Variants in CDK14 observed in about 807,000 individuals in gnomAD.
The protein encoded by CDK14 is cyclin-dependent kinase 14.
Under a neutral mutation model 60.7 loss-of-function variants are expected in CDK14, and 34 were observed. The ratio of observed to expected loss-of-function variants is 0.56; its 90% CI spans 0.43 to 0.75. The LOEUF (loss-of-function observed/expected upper bound fraction) is 0.75. CDK14 is among the 30% of genes least tolerant of loss of function. The pLI is 0.00. For synonymous variants in CDK14, 197 were observed against 203.7 expected, an observed-to-expected ratio of 0.97 and a Z score of 0.28; for missense variants, 482 against 564.1, an observed-to-expected ratio of 0.85 and a Z score of 1.47.
chr7:90,838,522 A>G (rs1352776515), intron 5 of CDK14, among the ~76,000 whole-genome samples: 1 of 152,172 alleles, frequency 6.6e-6, no homozygotes, highest in African/African-American at 2.4e-5. Flanking sequence ...CAGGGAGCCT[A>G]TAAATAGATG....
chr7:90,729,102 C>T (rs1193840734), intron 3 of CDK14, among the ~76,000 whole-genome samples: 1 of 151,752 alleles, frequency 6.6e-6, no homozygotes, highest in African/African-American at 2.4e-5. Context: ...ATCCAAGCCC[C>T]AGTTGAATTC....
At chr7:90,762,389 T>C (rs1449624308) in intron 4 of CDK14, among the ~76,000 whole-genome samples, 1 of 152,164 alleles carries the variant, frequency 6.6e-6, no homozygotes, top group African/African-American at 2.4e-5. Context: ...GTGTGAATTT[T>C]TGCTCTCTCT....
intron 14 of CDK14, among the ~76,000 whole-genome samples, chr7:91,184,544 ATCTTC>A (rs1802111345): frequency 6.6e-6 from 1 of 152,204 alleles, no homozygotes; most frequent in African/African-American, 2.4e-5. Context: ...AAGCTAGTAT[ATCTTC>A]TTAATCAAAG....
intron 2 of CDK14, among the ~76,000 whole-genome samples, chr7:90,663,692 C>A (rs957355240): frequency 6.6e-6 from 1 of 152,150 alleles, no homozygotes; most frequent in African/African-American, 2.4e-5. Flanking sequence ...ACAGATTTTT[C>A]TTCCTTTTAA....
At chr7:90,641,107 A>G (rs1800316961) in intron 2 of CDK14, among the ~76,000 whole-genome samples, 2 of 151,316 alleles carry the variant, frequency 1.3e-5, no homozygotes, top group Admixed American at 1.3e-4. Flanking sequence ...GGCCTGAAGA[A>G]AAAAACAAAA....
chr7:91,006,317 T>C (rs1795977671), intron 10 of CDK14, among the ~76,000 whole-genome samples: 1 of 152,242 alleles, frequency 6.6e-6, no homozygotes, highest in African/African-American at 2.4e-5. Flanking sequence ...TTCCATTCTG[T>C]CTGCTATATA....
At chr7:91,060,209 C>G (rs186048942) in intron 11 of CDK14, among the ~76,000 whole-genome samples, 7 of 149,914 alleles carry the variant, frequency 4.7e-5, no homozygotes, top group African/African-American at 1.5e-4. Context: ...TTATCCGAGG[C>G]TAGGATTGCA....
In CDK14 at chr7:90,661,305, C is replaced by G. The variant is rs141200771; in HGVS notation, c.123+57056C>G. ...ATTTCTATTTTAGAAGTGTGTTGAG[C>G]AGGGCCACTGTAGTGTACAACTCTG... On this transcript the variant is annotated intron_variant, in intron 2 of 14. Coordinates refer to ENST00000380050, the MANE Select transcript of CDK14 (RefSeq NM_001287135.2). 3.6e-4 allele frequency among the ~76,000 whole-genome samples: 55 copies of G among 152,294 alleles called. 2 individuals are homozygous for G. In the East Asian group the frequency reaches 5.8e-3, roughly 16 times the overall value.
chr7:90,914,845 TCTG>T (rs1453000519), intron 7 of CDK14, among the ~76,000 whole-genome samples: 1 of 152,230 alleles, frequency 6.6e-6, no homozygotes, highest in African/African-American at 2.4e-5. Context: ...TTTGCTTTTA[TCTG>T]CTGCCATCCA....
intron 2 of CDK14, among the ~76,000 whole-genome samples, chr7:90,708,822 C>T (rs775121379): frequency 1.3e-5 from 2 of 152,016 alleles, no homozygotes; most frequent in Non-Finnish European, 2.9e-5. Context: ...TATTTCTTGC[C>T]TAAGGTATTT....
intron 2 of CDK14, among the ~76,000 whole-genome samples, chr7:90,661,290 TAGA>T (rs1170748136): frequency 6.6e-6 from 1 of 152,210 alleles, no homozygotes; most frequent in African/African-American, 2.4e-5. Context: ...ATTTCTATTT[TAGA>T]AGTGTGTTGA....
chr7:90,834,203 A>G (rs531639938), intron 5 of CDK14, among the ~76,000 whole-genome samples: 2 of 152,378 alleles, frequency 1.3e-5, no homozygotes, highest in South Asian at 2.1e-4. Context: ...TCTACTTTGT[A>G]TCTCTCATTT....
At chr7:90,863,660 T>G (rs1052186333) in intron 6 of CDK14, among the ~76,000 whole-genome samples, 6 of 111,266 alleles carry the variant, frequency 5.4e-5, no homozygotes, top group Non-Finnish European at 1.0e-4. Flanking sequence ...AAAAGCATGC[T>G]TATTAAGATA....
intron 9 of CDK14, among the ~76,000 whole-genome samples, chr7:90,971,001 A>T (rs1011805472): frequency 6.6e-6 from 1 of 152,062 alleles, no homozygotes; most frequent in Non-Finnish European, 1.5e-5. Flanking sequence ...ACATATGTAT[A>T]CATGTGCCAT....
At chr7:90,597,570 A>G (rs1357391615) in intron 1 of CDK14, among the ~76,000 whole-genome samples, 1 of 152,180 alleles carries the variant, frequency 6.6e-6, no homozygotes, top group Non-Finnish European at 1.5e-5. Flanking sequence ...ATAACATGTA[A>G]CTGCCCTGAG....
intron 2 of CDK14, among the ~76,000 whole-genome samples, chr7:90,665,771 G>T (rs78328766): frequency 0.045 from 6,779 of 152,218 alleles, 522 homozygotes; most frequent in East Asian, 0.36. Context: ...ATAGTTAGAG[G>T]AGTAGTAGTA....
chr7:91,025,721 G>A (rs1796549808), intron 10 of CDK14, among the ~76,000 whole-genome samples: 1 of 152,204 alleles, frequency 6.6e-6, no homozygotes, highest in Non-Finnish European at 1.5e-5. Flanking sequence ...AGAATCTGAG[G>A]CAACTGCCTG....
intron 10 of CDK14, among the ~76,000 whole-genome samples, chr7:91,019,703 C>A (rs75136798): frequency 8.1e-4 from 123 of 152,224 alleles, no homozygotes; most frequent in Non-Finnish European, 1.6e-3. Flanking sequence ...ATCCTAAAAG[C>A]TGCTTTTAGC....
chr7:90,599,101 A>G (rs1389059831), intron 1 of CDK14, among the ~76,000 whole-genome samples: 2 of 152,228 alleles, frequency 1.3e-5, no homozygotes, highest in Admixed American at 6.5e-5. Context: ...TGTGTCACAC[A>G]GACTGTTTCC....
Sources: gnomAD v4.1 joint callset for allele counts (sites outside exome capture counted in the v4.1 genomes callset) on GRCh38, gnomAD v4.1.1 for gene constraint, MANE v1.5 for transcripts, NCBI Gene and HGNC (gene_info 2026-07-23, HGNC 2026-07-21) for gene names.